The following DENND5B variants were observed in gnomAD, a reference collection of about 807,000 sequenced individuals.
The protein encoded by DENND5B is DENN domain-containing protein 5B.
A neutral mutation model predicts 140.6 loss-of-function variants in DENND5B; 34 were observed. That is an observed-to-expected ratio of 0.24 (90% CI 0.18 to 0.32). The LOEUF (loss-of-function observed/expected upper bound fraction) is 0.32, where lower values mean the gene tolerates loss of function less well. DENND5B is among the 10% of genes least tolerant of loss of function. The probability of loss-of-function intolerance (pLI) is 1.00; values close to 1 mark genes in which losing one functional copy is unlikely to be tolerated. For missense variants in DENND5B, 1,142 were observed against 1,560.2 expected (o/e 0.73, Z 4.52); for synonymous variants, 551 against 562.1 (o/e 0.98, Z 0.28).
Position 31,452,267 on chromosome 12 carries a change from G to A in DENND5B, c.1302C>T (p.Asn434=), listed in dbSNP as rs777250062. 3.7e-6 allele frequency: 6 copies of A among 1,613,742 alleles called. No individual in the cohort carries two copies. The highest frequency in any genetic ancestry group is 2.2e-5 in the South Asian group (2 of 91,078). The change falls in exon 5 of 21, where the codon AAC becomes AAT. Residue 434 remains asparagine (N), a synonymous_variant. Coordinates refer to ENST00000389082, the MANE Select transcript of DENND5B (RefSeq NM_144973.4). The part of the protein sequence containing the change: ...VLKDLVNDKK[N]GNVCTNNISM... Reference sequence around the variant, plus strand: ...TGATGTTATTAGTACAGACATTGCCGTTCTTTTTGTCATTGACCAAGTCTT... The same window carrying A: ...TGATGTTATTAGTACAGACATTGCCATTCTTTTTGTCATTGACCAAGTCTT...
At chr12:31,484,946 G>A (rs960068446) in intron 2 of DENND5B, among the ~76,000 whole-genome samples, 2 of 152,066 alleles carry the variant, frequency 1.3e-5, no homozygotes, top group African/African-American at 2.4e-5. Context: ...GACAACCGGC[G>A]ATGACCAGCT....
At chr12:31,460,161 C>A in intron 4 of DENND5B, 33 bp downstream of exon 4, 2 of 1,583,028 alleles carry the variant, frequency 1.3e-6, no homozygotes, top group Non-Finnish European at 1.7e-6. Context: ...AATCAGCAAA[C>A]AGCAAATGCT....
intron 7 of DENND5B, among the ~76,000 whole-genome samples, chr12:31,437,006 C>T (rs1170977732): frequency 1.3e-5 from 2 of 152,160 alleles, no homozygotes; most frequent in Non-Finnish European, 2.9e-5. Flanking sequence ...GCTACCCATC[C>T]TGTACGCCTC....
At position 31,452,080 on chromosome 12, in the gene DENND5B, G is replaced by C. The variant is rs1403356877; in HGVS notation, c.1489C>G (p.Gln497Glu). The change falls in exon 5 of 21, where the codon CAG becomes GAG. Residue 497 changes from glutamine (Q) to glutamate (E), a missense_variant. Gln to Glu is a conservative substitution (Grantham distance 29). This residue lies in a region of DENND5B where 708 missense variants were observed against 905.5 expected (regional missense o/e 0.78). Coordinates refer to ENST00000389082, the MANE Select transcript of DENND5B (RefSeq NM_144973.4). ...HCEEAELRDYQLNVQLREVFA... is the reference protein window; with the variant it reads ...HCEEAELRDYELNVQLREVFA... ...ACCTCTCGGAGCTGTACATTGAGCT[G>C]GTAGTCCCTTAGTTCTGCCTCTTCA... 6.2e-7 allele frequency: 1 copy of C among 1,613,814 alleles called. No homozygotes were observed. The highest frequency in any genetic ancestry group is 1.3e-5 in the African/African-American group (1 of 74,880).
intron 16 of DENND5B, among the ~76,000 whole-genome samples, chr12:31,399,347 C>T (rs1480334432): frequency 1.4e-5 from 2 of 139,788 alleles, no homozygotes; most frequent in African/African-American, 2.7e-5. Flanking sequence ...GGTGCAATCT[C>T]GGTTCACTGA....
intron 11 of DENND5B, among the ~76,000 whole-genome samples, chr12:31,420,628 G>C (rs1349906294): frequency 1.3e-5 from 2 of 152,040 alleles, no homozygotes; most frequent in African/African-American, 2.4e-5. Context: ...ATTTTTAGTA[G>C]AGACGGGGTT....
chr12:31,456,869 A>C (rs1225707366), intron 4 of DENND5B, among the ~76,000 whole-genome samples: 6 of 152,168 alleles, frequency 3.9e-5, no homozygotes, highest in Non-Finnish European at 7.3e-5. Context: ...GCTTGAGCCC[A>C]AGAGTTCAAG....
chr12:31,489,704 T>A (rs1271548566), intron 2 of DENND5B, among the ~76,000 whole-genome samples: 4 of 152,188 alleles, frequency 2.6e-5, no homozygotes, highest in African/African-American at 9.7e-5. Flanking sequence ...CACAGTTGAC[T>A]ACTAGCTAAG....
At chr12:31,411,487 G>A (rs1465475166) in intron 13 of DENND5B, among the ~76,000 whole-genome samples, 1 of 151,894 alleles carries the variant, frequency 6.6e-6, no homozygotes, top group Non-Finnish European at 1.5e-5. Context: ...TGGGATTATA[G>A]GCATGCGCCA....
intron 1 of DENND5B, among the ~76,000 whole-genome samples, chr12:31,558,782 C>T (rs1164111702): frequency 6.6e-6 from 1 of 152,134 alleles, no homozygotes; most frequent in South Asian, 2.1e-4. Flanking sequence ...AACTATGCAT[C>T]CATTTAGCAA....
intron 19 of DENND5B, 88 bp from the exon 20 acceptor site, chr12:31,389,586 T>A (rs1941021074): frequency 7.6e-7 from 1 of 1,309,042 alleles, no homozygotes; most frequent in Non-Finnish European, 1.0e-6. Flanking sequence ...ATGGAAACAC[T>A]AACGATGCTT....
At chr12:31,567,910 G>C (rs948629374) in intron 1 of DENND5B, among the ~76,000 whole-genome samples, 1 of 152,170 alleles carries the variant, frequency 6.6e-6, no homozygotes, top group African/African-American at 2.4e-5. Flanking sequence ...TTGTTGACCA[G>C]GCTAGTCATG....
At chr12:31,438,596 C>T (rs537615185) in intron 7 of DENND5B, among the ~76,000 whole-genome samples, 5 of 152,032 alleles carry the variant, frequency 3.3e-5, no homozygotes, top group African/African-American at 1.2e-4. Flanking sequence ...AATTATGAAC[C>T]ACAAAAAACA....
At chr12:31,480,366 A>C (rs1256512186) in intron 2 of DENND5B, 111 bp from the exon 3 acceptor site, 4 of 1,042,412 alleles carry the variant, frequency 3.8e-6, no homozygotes, top group Admixed American at 3.3e-5. Context: ...GGTTTTATCC[A>C]GATTTAATAT....
intron 1 of DENND5B, among the ~76,000 whole-genome samples, chr12:31,520,332 T>C (rs1010198248): frequency 6.6e-6 from 1 of 152,150 alleles, no homozygotes; most frequent in African/African-American, 2.4e-5. Context: ...GGGAAGACAA[T>C]TTTGCATTAT....
intron 1 of DENND5B, among the ~76,000 whole-genome samples, chr12:31,564,116 T>G (rs1333344019): frequency 1.3e-5 from 2 of 151,910 alleles, no homozygotes; most frequent in African/African-American, 4.8e-5. Flanking sequence ...AGTCTCCAGC[T>G]CAAAAAAGAA....
chr12:31,559,584 T>C, intron 1 of DENND5B, among the ~76,000 whole-genome samples: 1 of 152,238 alleles, frequency 6.6e-6, no homozygotes, highest in East Asian at 1.9e-4. Flanking sequence ...AGGAAAGTTT[T>C]GCCTATACTG....
At chr12:31,523,049 CTTTT>C (rs565569231) in intron 1 of DENND5B, among the ~76,000 whole-genome samples, 2 of 146,058 alleles carry the variant, frequency 1.4e-5, no homozygotes, top group African/African-American at 5.1e-5. Flanking sequence ...ATAAATGTGC[CTTTT>C]TTTTTCCTTT....
chr12:31,398,979 G>A (rs972973706), intron 16 of DENND5B, among the ~76,000 whole-genome samples: 4 of 151,414 alleles, frequency 2.6e-5, no homozygotes, highest in Middle Eastern at 3.4e-3. Context: ...GAAATTAGCC[G>A]GGCGTGGTGG....
Sources: allele counts gnomAD v4.1 joint callset (sites outside exome capture counted in the v4.1 genomes callset), GRCh38; gene constraint gnomAD v4.1.1; regional missense constraint gnomAD v4.1.1; transcripts MANE v1.5; gene names NCBI Gene and HGNC (gene_info 2026-07-23, HGNC 2026-07-21).